The following SEMA3A variants were observed in gnomAD, a reference collection of about 807,000 sequenced individuals.
The protein encoded by SEMA3A is semaphorin 3A, also known as semaphorin-3A.
A neutral mutation model predicts 97.9 loss-of-function variants in SEMA3A; 29 were observed. The observed-to-expected ratio is 0.30, with a 90% confidence interval of 0.22 to 0.40. The LOEUF (loss-of-function observed/expected upper bound fraction) is 0.40, where lower values mean the gene tolerates loss of function less well. Ranked by LOEUF, SEMA3A falls within the 10% of genes least tolerant of loss-of-function variation. The probability of loss-of-function intolerance (pLI) is 1.00; values close to 1 mark genes in which losing one functional copy is unlikely to be tolerated. For missense variants in SEMA3A, 763 were observed against 951.3 expected (o/e 0.80, Z 2.60); for synonymous variants, 321 against 323.7 (o/e 0.99, Z 0.09).
intron 2 of SEMA3A, among the ~76,000 whole-genome samples, chr7:84,370,187 G>A (rs1459843733): frequency 6.6e-6 from 1 of 151,584 alleles, no homozygotes; most frequent in Non-Finnish European, 1.5e-5. Context: ...TGCAGGCAAA[G>A]GAAGCAATTG....
chr7:84,138,499 A>C (rs919336348), intron 1 of SEMA3A, among the ~76,000 whole-genome samples: 1 of 152,168 alleles, frequency 6.6e-6, no homozygotes, highest in African/African-American at 2.4e-5. Flanking sequence ...TCTGTAAATT[A>C]GTTTGGACAG....
intron 12 of SEMA3A, among the ~76,000 whole-genome samples, chr7:83,989,089 A>G (rs541140698): frequency 6.6e-6 from 1 of 152,326 alleles, no homozygotes; most frequent in Admixed American, 6.5e-5. Context: ...ACAATTTCAC[A>G]TGAAAAATAG....
rs913231962 is a variant in SEMA3A at position 84,050,850 on chromosome 7, G to A, written c.548-4407C>T. Among the ~76,000 whole-genome samples, 727 of 151,554 alleles carry A rather than the reference G, an allele frequency of 4.8e-3. 4 individuals carry two copies. The highest frequency in any genetic ancestry group is 0.016 in the African/African-American group (662 of 41,474). On this transcript the variant is annotated intron_variant, in intron 5 of 16. Coordinates refer to ENST00000265362, the MANE Select transcript of SEMA3A (RefSeq NM_006080.3). ...GGGTTTTTATGGTTTTAGGTCAAAC[G>A]TTTAAGTCTTTAATCCATCTTGAAT...
intron 1 of SEMA3A, among the ~76,000 whole-genome samples, chr7:84,378,820 G>A (rs1420614890): frequency 6.6e-6 from 1 of 151,548 alleles, no homozygotes; most frequent in East Asian, 1.9e-4. Flanking sequence ...GATTTTATGT[G>A]GATCTACATT....
chr7:83,963,074 A>G, intron 16 of SEMA3A, 131 bp downstream of exon 16: 1 of 942,012 alleles, frequency 1.1e-6, no homozygotes, highest in South Asian at 1.5e-5. Flanking sequence ...TGTTCAATGA[A>G]TGAGCGATTG....
chr7:84,406,103 T>C (rs1214571780), intron 1 of SEMA3A, among the ~76,000 whole-genome samples: 1 of 152,010 alleles, frequency 6.6e-6, no homozygotes, highest in Non-Finnish European at 1.5e-5. Flanking sequence ...AATCAATGAA[T>C]CCAGGAGCTG....
chr7:84,058,738 C>A (rs968209977), intron 5 of SEMA3A, among the ~76,000 whole-genome samples: 2 of 152,102 alleles, frequency 1.3e-5, no homozygotes, highest in African/African-American at 4.8e-5. Flanking sequence ...TCTGAAAGTT[C>A]TTTTTCTGAA....
intron 1 of SEMA3A, among the ~76,000 whole-genome samples, chr7:84,173,109 G>A (rs1351473163): frequency 6.6e-6 from 1 of 152,088 alleles, no homozygotes; most frequent in Non-Finnish European, 1.5e-5. Flanking sequence ...ATAACTTTTT[G>A]AAGTAAAAGC....
chr7:84,056,308 A>G (rs1562738947), intron 5 of SEMA3A, among the ~76,000 whole-genome samples: 2 of 152,200 alleles, frequency 1.3e-5, no homozygotes, highest in African/African-American at 4.8e-5. Flanking sequence ...TATACTCTAG[A>G]CTTTCTGCTC....
At chr7:84,294,780 G>A (rs958514506) in intron 3 of SEMA3A, among the ~76,000 whole-genome samples, 2 of 151,952 alleles carry the variant, frequency 1.3e-5, no homozygotes, top group Non-Finnish European at 2.9e-5. Flanking sequence ...ATCAAGCTGC[G>A]AGTGAAGGAA....
chr7:84,239,249 A>G (rs916053200), intron 3 of SEMA3A, among the ~76,000 whole-genome samples: 20 of 152,220 alleles, frequency 1.3e-4, no homozygotes, highest in African/African-American at 4.3e-4. Flanking sequence ...CTACTTATTC[A>G]AAAGTTTAAT....
intron 3 of SEMA3A, among the ~76,000 whole-genome samples, chr7:84,241,992 T>C (rs1451159736): frequency 6.6e-6 from 1 of 152,208 alleles, no homozygotes; most frequent in African/African-American, 2.4e-5. Context: ...TCTATATATC[T>C]GTTTTGGTAC....
chr7:84,151,895 A>C (rs565068644), intron 1 of SEMA3A, among the ~76,000 whole-genome samples: 1 of 152,308 alleles, frequency 6.6e-6, no homozygotes, highest in South Asian at 2.1e-4. Flanking sequence ...ATGAACAGAC[A>C]CTTCTCAAAA....
chr7:83,975,850 G>T (rs539504206), intron 15 of SEMA3A, among the ~76,000 whole-genome samples: 9 of 152,252 alleles, frequency 5.9e-5, no homozygotes, highest in African/African-American at 1.9e-4. Context: ...GATTATGAAA[G>T]ATTAGCAAAT....
chr7:84,203,008 T>G (rs1324130470), intron 3 of SEMA3A, among the ~76,000 whole-genome samples: 1 of 152,194 alleles, frequency 6.6e-6, no homozygotes, highest in East Asian at 1.9e-4. Context: ...TCTAGAAGAC[T>G]CTAGCTGATG....
chr7:84,407,062 A>C (rs899901761), intron 1 of SEMA3A, among the ~76,000 whole-genome samples: 17 of 152,188 alleles, frequency 1.1e-4, no homozygotes, highest in African/African-American at 4.1e-4. Context: ...GCAATCAGGC[A>C]GGAGAAGGAA....
intron 12 of SEMA3A, among the ~76,000 whole-genome samples, chr7:83,998,013 G>T (rs1790288581): frequency 6.6e-6 from 1 of 151,988 alleles, no homozygotes; most frequent in Non-Finnish European, 1.5e-5. Context: ...TGGAATTACA[G>T]GTGTGAGCCA....
intron 2 of SEMA3A, among the ~76,000 whole-genome samples, chr7:84,330,851 A>C (rs1311301231): frequency 6.6e-6 from 1 of 152,136 alleles, no homozygotes; most frequent in Non-Finnish European, 1.5e-5. Flanking sequence ...TTATTAAATC[A>C]AAGAGGATGA....
intron 1 of SEMA3A, among the ~76,000 whole-genome samples, chr7:84,137,689 TAA>T (rs58880773): frequency 1.8e-3 from 151 of 85,262 alleles, no homozygotes; most frequent in South Asian, 8.3e-3. Flanking sequence ...GGCCAAACTT[TAA>T]AAAAAAAAAA....
Sources: gnomAD v4.1 joint callset for allele counts (sites outside exome capture counted in the v4.1 genomes callset) on GRCh38, gnomAD v4.1.1 for gene constraint, MANE v1.5 for transcripts, NCBI Gene and HGNC (gene_info 2026-07-23, HGNC 2026-07-21) for gene names.